Variants in SPAG9 observed in about 807,000 individuals in gnomAD.
SPAG9 encodes the protein C-Jun-amino-terminal kinase-interacting protein 4.
A neutral mutation model predicts 166.5 loss-of-function variants in SPAG9; 35 were observed. The ratio of observed to expected loss-of-function variants is 0.21; its 90% CI spans 0.16 to 0.28. The LOEUF (loss-of-function observed/expected upper bound fraction) is 0.28. SPAG9 is among the 10% of genes least tolerant of loss of function. The probability of loss-of-function intolerance (pLI) is 1.00; values close to 1 mark genes in which losing one functional copy is unlikely to be tolerated. For synonymous variants in SPAG9, 534 were observed against 565.5 expected (o/e 0.94, Z 0.79); for missense variants, 1,235 against 1,603.3 (o/e 0.77, Z 3.92).
At position 51,083,122 on chromosome 17, in the gene SPAG9, G is replaced by A. The variant is rs144448370; in HGVS notation, c.304-3418C>T. Among the ~76,000 whole-genome samples, 202 of 152,124 alleles carry A rather than the reference G, an allele frequency of 1.3e-3. 1 individual carries two copies. The highest frequency in any genetic ancestry group is 4.6e-3 in the African/African-American group (192 of 41,494). ...AAAACTTTAATTAAAGATACTATTT[G>A]TACCCAGGATTCCTGGAGCCAGAAT... On this transcript the variant is annotated intron_variant, in intron 1 of 29. Coordinates refer to ENST00000262013, the MANE Select transcript of SPAG9 (RefSeq NM_001130528.3).
chr17:51,119,565 T>C (rs1001986130), intron 1 of SPAG9, among the ~76,000 whole-genome samples: 5 of 152,232 alleles, frequency 3.3e-5, no homozygotes, highest in African/African-American at 1.2e-4. Flanking sequence ...GGTGGCCAAA[T>C]GCACGTATAA....
Position 51,021,357 on chromosome 17 carries a change from A to T in SPAG9, c.792T>A (p.Leu264=). 6.2e-7 allele frequency: 1 copy of T among 1,606,602 alleles called. No individual in the cohort carries two copies. The highest frequency in any genetic ancestry group is 8.5e-7 in the Non-Finnish European group (1 of 1,176,322). The part of the protein sequence containing the change: ...PQKAVEQEDE[L]SDVSQGGSKA... ...TAGATCCGCCTTGGCTAACATCAGA[A>T]AGCTCATCCTACAAATAAAAATAAT... The change falls in exon 7 of 30, where the codon CTT becomes CTA. Residue 264 remains leucine, a synonymous_variant. Transcript: ENST00000262013.
At chr17:51,091,199 G>T (rs532343032) in intron 1 of SPAG9, among the ~76,000 whole-genome samples, 1 of 151,680 alleles carries the variant, frequency 6.6e-6, no homozygotes, top group Admixed American at 6.6e-5. Context: ...ACCAAGCCCA[G>T]GAGGCAGAGG....
intron 9 of SPAG9, chr17:51,007,869 C>G (rs2045293165): frequency 2.2e-6 from 1 of 446,132 alleles, no homozygotes; most frequent in Non-Finnish European, 4.5e-6. Flanking sequence ...CCCATGCATT[C>G]CATGTAAAGC....
At chr17:50,984,461 C>G (rs1362015994) in intron 24 of SPAG9, among the ~76,000 whole-genome samples, 1 of 152,144 alleles carries the variant, frequency 6.6e-6, no homozygotes, top group Non-Finnish European at 1.5e-5. Context: ...CCAAAGCGGG[C>G]AGATCACAAA....
At chr17:51,057,279 C>T (rs9675254) in intron 2 of SPAG9, among the ~76,000 whole-genome samples, 36,285 of 151,936 alleles carry the variant, frequency 0.24, 5,167 homozygotes, top group Admixed American at 0.34. Flanking sequence ...ACTGGAGGAG[C>T]CCATACTTGG....
intron 25 of SPAG9, among the ~76,000 whole-genome samples, chr17:50,980,409 T>C (rs949918724): frequency 1.3e-5 from 2 of 151,912 alleles, no homozygotes; most frequent in Non-Finnish European, 2.9e-5. Flanking sequence ...TTCATCATGT[T>C]GGCCAGGCTG....
chr17:51,079,740 A>C (rs777170969), intron 1 of SPAG9, 36 bp from the exon 2 acceptor site: 1 of 1,386,126 alleles, frequency 7.2e-7, no homozygotes. Context: ...TAATCAGAGA[A>C]ATTAAACTTT....
At chr17:51,025,683 G>C (rs1007993742) in intron 6 of SPAG9, among the ~76,000 whole-genome samples, 3 of 152,158 alleles carry the variant, frequency 2.0e-5, no homozygotes, top group Admixed American at 6.5e-5. Flanking sequence ...TTGAGCCCAG[G>C]AGTTTGAGAT....
In SPAG9 at chr17:51,038,696, C is replaced by T. The variant is rs554126985; in HGVS notation, c.741+2805G>A. On this transcript the variant is annotated intron_variant, in intron 5 of 29. Coordinates refer to ENST00000262013, the MANE Select transcript of SPAG9 (RefSeq NM_001130528.3). ...ACGTACTCCTCCAGACCTTTCCATG[C>T]ACCTGCACATCCCCATGTCAGGATG... 4.2e-4 allele frequency among the ~76,000 whole-genome samples: 64 copies of T among 152,264 alleles called. 2 individuals are homozygous for T. The South Asian group carries it at 0.013, about 31-fold the overall frequency.
At chr17:50,983,154 G>C (rs1002894248) in intron 24 of SPAG9, among the ~76,000 whole-genome samples, 1 of 152,080 alleles carries the variant, frequency 6.6e-6, no homozygotes, top group Non-Finnish European at 1.5e-5. Context: ...TCAGAACCTC[G>C]CTTTGCTTTG....
chr17:50,975,712 A>T (rs1419892599), intron 27 of SPAG9: 1 of 154,760 alleles, frequency 6.5e-6, no homozygotes, highest in Non-Finnish European at 1.4e-5. Flanking sequence ...AACAAACATT[A>T]AAAAAAAAAA....
At chr17:51,088,881 T>A (rs909259832) in intron 1 of SPAG9, among the ~76,000 whole-genome samples, 4 of 141,820 alleles carry the variant, frequency 2.8e-5, no homozygotes, top group African/African-American at 1.1e-4. Flanking sequence ...GGTCATGTGG[T>A]CAAGAGATGG....
intron 15 of SPAG9, among the ~76,000 whole-genome samples, chr17:50,997,271 AATTTATATCAGGTTTCAGATGCTGGCC>A (rs750127270): frequency 2.4e-4 from 37 of 152,356 alleles, no homozygotes; most frequent in Non-Finnish European, 4.8e-4. Flanking sequence ...TCAGCCACCA[AATTTATATCAGGTTTCAGATGCTGGCC>A]ATATGAAAGG....
At chr17:51,112,877 G>A (rs1309379687) in intron 1 of SPAG9, among the ~76,000 whole-genome samples, 1 of 150,144 alleles carries the variant, frequency 6.7e-6, no homozygotes, top group Non-Finnish European at 1.5e-5. Context: ...CAGAGGCTGA[G>A]GAAGTGGGAT....
At chr17:51,111,450 AG>A (rs1385602598) in intron 1 of SPAG9, among the ~76,000 whole-genome samples, 9 of 152,206 alleles carry the variant, frequency 5.9e-5, no homozygotes, top group Non-Finnish European at 1.0e-4. Context: ...GATTTCAAGA[AG>A]CAGGAATCCT....
At chr17:51,018,732 CTG>C (rs2045808734) in intron 8 of SPAG9, among the ~76,000 whole-genome samples, 1 of 152,096 alleles carries the variant, frequency 6.6e-6, no homozygotes, top group South Asian at 2.1e-4. Context: ...GGGGGCTGGA[CTG>C]AAGTGTCCGG....
intron 22 of SPAG9, 120 bp from the exon 23 acceptor site, chr17:50,985,898 A>C (rs898477456): frequency 1.4e-5 from 8 of 569,942 alleles, no homozygotes; most frequent in Non-Finnish European, 2.4e-5. Context: ...TTTTAGGAAA[A>C]GGTGCTGCTG....
chr17:51,039,592 C>T (rs2046751683), intron 5 of SPAG9, among the ~76,000 whole-genome samples: 2 of 152,236 alleles, frequency 1.3e-5, no homozygotes, highest in African/African-American at 4.8e-5. Flanking sequence ...TGAGTACCTG[C>T]CTTATACTAA....
Sources: gnomAD v4.1 joint callset for allele counts (sites outside exome capture counted in the v4.1 genomes callset) on GRCh38, gnomAD v4.1.1 for gene constraint, MANE v1.5 for transcripts, NCBI Gene and HGNC (gene_info 2026-07-23, HGNC 2026-07-21) for gene names.